MCRIP2: variants seen among roughly 807,000 people sequenced by gnomAD.
MCRIP2 encodes the protein MAPK regulated co-repressor interacting protein 2.
MCRIP2 carries 21 observed loss-of-function variants against 23.2 expected under a neutral mutation model. That is an observed-to-expected ratio of 0.90 (90% CI 0.64 to 1.30). The LOEUF (loss-of-function observed/expected upper bound fraction) is 1.30. Among genes scored for constraint, MCRIP2 ranks in the 50% most tolerant of loss-of-function variants. MCRIP2 has a pLI of 0.00. For missense variants in MCRIP2, 234 were observed against 223.2 expected, an observed-to-expected ratio of 1.05 and a Z score of -0.31; for synonymous variants, 121 against 100.2, an observed-to-expected ratio of 1.21 and a Z score of -1.24.
chr16:645,533 AGG>A (rs2037460097), intron 2 of MCRIP2: 1 of 152,352 alleles, frequency 6.6e-6, no homozygotes, highest in Admixed American at 6.5e-5. Context: ...CTGGGATTAC[AGG>A]CATGAGCCAC....
At position 648,114 on chromosome 16, in the gene MCRIP2, CCA is replaced by C. The variant is rs761691015; in HGVS notation, c.413-3_413-2del. On this transcript the variant is annotated splice_region_variant and splice_polypyrimidine_tract_variant and intron_variant, in intron 4 of 4. Coordinates refer to ENST00000307650, the MANE Select transcript of MCRIP2 (RefSeq NM_138418.4). Reference sequence around the variant, plus strand: ...AGCATCACTGCCCAGCCTTCTCTGCCCACAGACTTTGTGCCCATTGACCTAGA... The same window carrying C: ...AGCATCACTGCCCAGCCTTCTCTGCCCAGACTTTGTGCCCATTGACCTAGA... 8.1e-6 allele frequency: 13 copies of C among 1,598,100 alleles called. No homozygotes were observed. Among genetic ancestry groups the C allele is most frequent in the African/African-American group, 1.3e-5 (1 of 74,702 alleles).
chr16:645,442 A>G (rs2151101608), intron 2 of MCRIP2: 1 of 151,792 alleles, frequency 6.6e-6, no homozygotes, highest in South Asian at 2.1e-4. Flanking sequence ...TTTTTAGTAG[A>G]GACAGAGTTT....
intron 2 of MCRIP2, chr16:647,162 G>T (rs2037503679): frequency 3.5e-6 from 2 of 568,500 alleles, no homozygotes. Context: ...TAAGACTGAG[G>T]CCCCCACCCT....
At chr16:643,940 C>G (rs561941215) in intron 2 of MCRIP2, among the ~76,000 whole-genome samples, 1 of 152,282 alleles carries the variant, frequency 6.6e-6, no homozygotes, top group Admixed American at 6.5e-5. Flanking sequence ...CTGGGCAGGG[C>G]AGGATGTGTG....
At chr16:642,375 C>A in intron 2 of MCRIP2, 126 bp downstream of exon 2, 1 of 957,672 alleles carries the variant, frequency 1.0e-6, no homozygotes, top group Non-Finnish European at 1.3e-6. Flanking sequence ...GCGGGGCGGG[C>A]GCTCCGGGCG....
chr16:641,851 A>T lies in MCRIP2; in HGVS notation c.-141A>T. The stretch of plus-strand genomic sequence containing the variant: ...CCGCCGCGTGTCCGGGGTCAGCCCG[A>T]GCCCGTGCGGGCCCTTTAAGGGCCG... On this transcript the variant is annotated 5_prime_UTR_variant, in exon 1 of 5. Coordinates refer to ENST00000307650, the MANE Select transcript of MCRIP2 (RefSeq NM_138418.4). The T allele has an allele frequency of 1.4e-6, 1 of 725,260 alleles. No homozygotes were observed. Among genetic ancestry groups the T allele is most frequent in the Non-Finnish European group, 1.9e-6 (1 of 532,200 alleles). The allele number at this position is 725,260 out of a possible 1,614,324, so 44.9% of individuals were successfully genotyped here.
chr16:643,087 C>T (rs1319404296), intron 2 of MCRIP2: 2 of 152,498 alleles, frequency 1.3e-5, no homozygotes, highest in African/African-American at 4.8e-5. Context: ...GCCTACCTCT[C>T]AGAAAGGTGT....
chr16:648,028 G>C, intron 4 of MCRIP2, 92 bp from the exon 5 acceptor site: 1 of 1,344,696 alleles, frequency 7.4e-7, no homozygotes, highest in Non-Finnish European at 1.0e-6. Flanking sequence ...GCCGCACTCG[G>C]AGTCCGGGTG....
At chr16:647,335 C>T in intron 2 of MCRIP2, 82 bp from the exon 3 acceptor site, 1 of 1,576,020 alleles carries the variant, frequency 6.3e-7, no homozygotes, top group Non-Finnish European at 8.6e-7. Context: ...AGTGGGCTGG[C>T]CCGGGGCTGC....
In MCRIP2 at chr16:642,047, C is replaced by T; in HGVS notation, c.52+4C>T. 1 of 1,320,774 alleles carries T rather than the reference C, an allele frequency of 7.6e-7. No homozygotes were observed. Among genetic ancestry groups the T allele is most frequent in the Non-Finnish European group, 9.6e-7 (1 of 1,039,132 alleles). The allele number at this position is 1,320,774 out of a possible 1,614,324, so 81.8% of individuals were successfully genotyped here. Reference sequence around the variant, plus strand: ...CTGGTCGCGCAGCGCCGCACAGGTGCGCACGGGCCGGGGAACGGGAACGGG... The same window carrying T: ...CTGGTCGCGCAGCGCCGCACAGGTGTGCACGGGCCGGGGAACGGGAACGGG... On this transcript the variant is annotated splice_donor_region_variant and intron_variant, in intron 1 of 4. Transcript: ENST00000307650.
chr16:642,282 C>CCGGCT, intron 2 of MCRIP2, 33 bp downstream of exon 2: 1 of 1,153,022 alleles, frequency 8.7e-7, no homozygotes, highest in Non-Finnish European at 1.1e-6. Context: ...CCGGCCCGGC[C>CCGGCT]CGGCTTCCCC....
rs752113417 is a variant in MCRIP2, at chr16:642,187, G to T, written c.120G>T (p.Pro40=). The T allele has an allele frequency of 7.5e-6, 10 of 1,333,850 alleles. No individual in the cohort carries two copies. The South Asian group carries it at 1.6e-4, about 22-fold the overall frequency. The allele number at this position is 1,333,850 out of a possible 1,614,324, so 82.6% of individuals were successfully genotyped here. The change falls in exon 2 of 5, where the codon CCG becomes CCT. Residue 40 remains proline (P), a synonymous_variant. Coordinates refer to ENST00000307650, the MANE Select transcript of MCRIP2 (RefSeq NM_138418.4). ...ELLKCRQPAP[P]TSQPPRAQPF... is the part of the protein sequence containing the mutation. ...TGAAATGCCGGCAGCCCGCGCCGCCGACCTCGCAGCCCCCGCGGGCGCAGC... is the reference window on the plus strand; with the variant it reads ...TGAAATGCCGGCAGCCCGCGCCGCCTACCTCGCAGCCCCCGCGGGCGCAGC...
chr16:642,572 C>T (rs1383092169), intron 2 of MCRIP2: 1 of 165,598 alleles, frequency 6.0e-6, no homozygotes, highest in Non-Finnish European at 1.3e-5. Flanking sequence ...TGACGTGCAG[C>T]AGGCCCAGGC....
intron 2 of MCRIP2, among the ~76,000 whole-genome samples, chr16:643,381 CCTTT>C (rs1475982942): frequency 6.6e-6 from 1 of 152,082 alleles, no homozygotes; most frequent in Non-Finnish European, 1.5e-5. Context: ...GGGGAAACCA[CCTTT>C]CTTCTCTCTC....
chr16:645,626 G>A (rs1270190881), intron 2 of MCRIP2: 1 of 152,244 alleles, frequency 6.6e-6, no homozygotes, highest in Non-Finnish European at 1.5e-5. Context: ...ATAAACTGAG[G>A]CGATATAAGT....
chr16:646,974 TG>T lies in MCRIP2; in HGVS notation c.183-442del. 2 of 161,256 alleles carry T rather than the reference TG, an allele frequency of 1.2e-5. No individual in the cohort carries two copies. The highest frequency in any genetic ancestry group is 6.2e-5 in the Admixed American group (1 of 16,164). The allele number at this position is 161,256 out of a possible 1,614,324, so 10.0% of individuals were successfully genotyped here. On this transcript the variant is annotated intron_variant, in intron 2 of 4. Transcript: ENST00000307650. The surrounding 1 kb of genome is among the most constrained non-coding windows in gnomAD (Gnocchi z 6.5). ...TGGAGGTGCTTCTGTGGGGCGAGAA[TG>T]TGGCCTAGAACTACACCCAGAGTGG... is the stretch of plus-strand genomic sequence containing the variant.
chr16:642,210 A>C lies in MCRIP2; in HGVS notation c.143A>C (p.Gln48Pro). The C allele has an allele frequency of 2.3e-6, 3 of 1,293,610 alleles. No individual in the cohort carries two copies. The highest frequency in any genetic ancestry group is 2.9e-6 in the Non-Finnish European group (3 of 1,020,210). The allele number at this position is 1,293,610 out of a possible 1,614,324, so 80.1% of individuals were successfully genotyped here. ...APPTSQPPRA[Q>P]PFAQPPGPWP... Reference sequence around the variant, plus strand: ...CCGACCTCGCAGCCCCCGCGGGCGCAGCCCTTTGCGCAGCCGCCGGGACCC... The same window carrying C: ...CCGACCTCGCAGCCCCCGCGGGCGCCGCCCTTTGCGCAGCCGCCGGGACCC... Residue 48 changes from glutamine (Q) to proline (P), a missense_variant, in exon 2 of 5, where the codon CAG becomes CCG. Gln to Pro is a moderately conservative substitution (Grantham distance 76). Coordinates refer to ENST00000307650, the MANE Select transcript of MCRIP2 (RefSeq NM_138418.4).
intron 1 of MCRIP2, 37 bp downstream of exon 1, chr16:642,080 C>A (rs1303629529): frequency 7.6e-7 from 1 of 1,317,966 alleles, no homozygotes; most frequent in Non-Finnish European, 9.6e-7. Flanking sequence ...GGGGACGGGG[C>A]GGGGCGCGGC....
rs377484079 is a variant in MCRIP2 at position 648,231 on chromosome 16, G to T, written c.*41G>T. The T allele has an allele frequency of 3.2e-6, 5 of 1,573,182 alleles. No homozygotes were observed. The Admixed American group carries it at 5.4e-5, about 17-fold the overall frequency. On this transcript the variant is annotated 3_prime_UTR_variant, in exon 5 of 5. Transcript: ENST00000307650. ...GGCGCTGCTACACGGCCGACCTGTC[G>T]CCAGGAGAGAAGCATGGCGCCCTGC...
Sources: allele counts gnomAD v4.1 joint callset (sites outside exome capture counted in the v4.1 genomes callset), GRCh38; gene constraint gnomAD v4.1.1; non-coding constraint Gnocchi (gnomAD v3.1); transcripts MANE v1.5; gene names NCBI Gene and HGNC (gene_info 2026-07-23, HGNC 2026-07-21).